The following PTPN9 variants were observed in gnomAD, a reference collection of about 807,000 sequenced individuals.
The protein encoded by PTPN9 is tyrosine-protein phosphatase non-receptor type 9.
A neutral mutation model predicts 69.8 loss-of-function variants in PTPN9; 26 were observed. The observed-to-expected ratio is 0.37, with a 90% CI of 0.27 to 0.52. PTPN9 has a LOEUF of 0.52. Among genes scored for constraint, PTPN9 ranks in the 20% least tolerant of loss-of-function variants. The probability of loss-of-function intolerance (pLI) is 0.91; values close to 1 mark genes in which losing one functional copy is unlikely to be tolerated. For missense variants in PTPN9, 549 were observed against 740.3 expected (o/e 0.74, Z 3.00); for synonymous variants, 274 against 272.5 (o/e 1.01, Z -0.05).
intron 1 of PTPN9, among the ~76,000 whole-genome samples, chr15:75,534,671 T>A: frequency 8.4e-6 from 1 of 118,722 alleles, no homozygotes; most frequent in South Asian, 2.8e-4. Context: ...TGAGACTCTA[T>A]CTCAAAAAAA....
chr15:75,517,521 C>T (rs555915765), intron 4 of PTPN9, among the ~76,000 whole-genome samples, 157 bp from the exon 5 acceptor site: 189 of 152,302 alleles, frequency 1.2e-3, no homozygotes, highest in African/African-American at 4.2e-3. Flanking sequence ...GATCTCTTAT[C>T]TTTGGTATCT....
chr15:75,572,792 A>G (rs897592761), intron 1 of PTPN9, among the ~76,000 whole-genome samples: 7 of 152,200 alleles, frequency 4.6e-5, no homozygotes, highest in Non-Finnish European at 1.5e-5. Context: ...TAAAGAAAAT[A>G]AAATTTTATT....
intron 1 of PTPN9, among the ~76,000 whole-genome samples, chr15:75,528,567 T>C (rs1253789140): frequency 1.3e-5 from 2 of 151,914 alleles, no homozygotes; most frequent in Non-Finnish European, 2.9e-5. Context: ...TTTTCTTTGT[T>C]ATTTTTAGTA....
rs1239067207 is a variant in PTPN9 at position 75,503,784 on chromosome 15, C to G, written c.968+1891G>C. ...GGGAGGGAGGTGGGGGGGGGGTCAG[C>G]CCCCCGTCCGGGAGGGAGGTGGGGG... On this transcript the variant is annotated intron_variant, in intron 7 of 12. Coordinates refer to ENST00000618819, the MANE Select transcript of PTPN9 (RefSeq NM_002833.4). Among the ~76,000 whole-genome samples, 255 of 123,554 alleles carry G rather than the reference C, an allele frequency of 2.1e-3. 16 individuals are homozygous for G. Among genetic ancestry groups the G allele is most frequent in the African/African-American group, 7.0e-3 (223 of 31,696 alleles). The allele number at this position is 123,554 out of a possible 152,430, so 81.1% of individuals were successfully genotyped here.
intron 10 of PTPN9, among the ~76,000 whole-genome samples, chr15:75,473,311 G>A (rs1014597634): frequency 3.3e-5 from 5 of 151,766 alleles, no homozygotes; most frequent in Admixed American, 6.6e-5. Flanking sequence ...GTGCAATGGC[G>A]TGATCTCAGC....
chr15:75,526,056 T>C (rs773753582), intron 2 of PTPN9, among the ~76,000 whole-genome samples: 3 of 151,802 alleles, frequency 2.0e-5, no homozygotes, highest in Non-Finnish European at 4.4e-5. Context: ...AATGCAATGG[T>C]GTGATCTCGG....
At chr15:75,548,499 T>C (rs2075043704) in intron 1 of PTPN9, among the ~76,000 whole-genome samples, 1 of 151,594 alleles carries the variant, frequency 6.6e-6, no homozygotes, top group Non-Finnish European at 1.5e-5. Context: ...CGTGATCTGC[T>C]CACCTCAGCC....
chr15:75,539,400 G>A (rs1384497161), intron 1 of PTPN9, among the ~76,000 whole-genome samples: 1 of 150,308 alleles, frequency 6.7e-6, no homozygotes, highest in Non-Finnish European at 1.5e-5. Flanking sequence ...TGCAACCTCT[G>A]CCTCCCAAGT....
rs1183378011 is a variant in PTPN9 at position 75,578,702 on chromosome 15, G to C, written c.63+12C>G. The C allele has an allele frequency of 5.8e-6, 8 of 1,369,874 alleles. No individual in the cohort carries two copies. The highest frequency in any genetic ancestry group is 7.6e-6 in the Non-Finnish European group (8 of 1,058,896). The allele number at this position is 1,369,874 out of a possible 1,614,324, so 84.9% of individuals were successfully genotyped here. A position where few individuals can be genotyped will look rare whatever the true frequency, so the allele number is the denominator to read the frequency against. On this transcript the variant is annotated intron_variant, in intron 1 of 12. Transcript: ENST00000618819. Reference sequence around the variant, plus strand: ...CGGACACACCCAACGCGGCGGCCTCGGGCCCGCTTACCTGCTCCTCCTCCG... The same window carrying C: ...CGGACACACCCAACGCGGCGGCCTCCGGCCCGCTTACCTGCTCCTCCTCCG...
At chr15:75,473,649 A>T in intron 10 of PTPN9, 40 bp downstream of exon 10, 1 of 1,451,102 alleles carries the variant, frequency 6.9e-7, no homozygotes. Flanking sequence ...CTAGGGACAG[A>T]GTGGAGGTGG....
chr15:75,495,298 G>C (rs1313178260), intron 7 of PTPN9, among the ~76,000 whole-genome samples: 1 of 151,544 alleles, frequency 6.6e-6, no homozygotes, highest in African/African-American at 2.4e-5. Flanking sequence ...TAGAATGAAA[G>C]AAAAAGTTCT....
At chr15:75,497,881 G>A (rs1202179472) in intron 7 of PTPN9, among the ~76,000 whole-genome samples, 1 of 151,070 alleles carries the variant, frequency 6.6e-6, no homozygotes, top group Non-Finnish European at 1.5e-5. Flanking sequence ...TAGGAACATA[G>A]TTGTCTGTAA....
intron 7 of PTPN9, among the ~76,000 whole-genome samples, chr15:75,504,208 C>G (rs1368277289): frequency 3.9e-4 from 27 of 69,668 alleles, no homozygotes; most frequent in Admixed American, 7.3e-4. Flanking sequence ...GGAGGGAGGT[C>G]GGGGGGGTCA....
chr15:75,558,867 C>T (rs1340647826), intron 1 of PTPN9, among the ~76,000 whole-genome samples: 1 of 152,204 alleles, frequency 6.6e-6, no homozygotes, highest in Non-Finnish European at 1.5e-5. Context: ...GTGGCGTGAT[C>T]TCGGCTCGCT....
intron 5 of PTPN9, among the ~76,000 whole-genome samples, chr15:75,515,860 G>A (rs1022428045): frequency 2.0e-5 from 3 of 151,758 alleles, no homozygotes; most frequent in Admixed American, 2.0e-4. Flanking sequence ...TCGCGCCACC[G>A]CACTCCAGCC....
intron 1 of PTPN9, among the ~76,000 whole-genome samples, chr15:75,538,059 GAAACAAAACA>G (rs748970066): frequency 6.6e-5 from 10 of 151,722 alleles, no homozygotes; most frequent in South Asian, 2.1e-4. Context: ...ACTTTGTCTC[GAAACAAAACA>G]AAACAAAACA....
At chr15:75,469,720 C>T in intron 12 of PTPN9, 72 bp downstream of exon 12, 1 of 1,513,450 alleles carries the variant, frequency 6.6e-7, no homozygotes, top group Non-Finnish European at 9.1e-7. Context: ...CAGATGTGGG[C>T]TAAGAGCTTT....
chr15:75,552,848 T>C (rs531671426), intron 1 of PTPN9, among the ~76,000 whole-genome samples: 1 of 149,952 alleles, frequency 6.7e-6, no homozygotes, highest in South Asian at 2.1e-4. Flanking sequence ...TGGGTCATGC[T>C]GACCATACAG....
intron 7 of PTPN9, among the ~76,000 whole-genome samples, chr15:75,504,477 G>C (rs2074802741): frequency 7.3e-6 from 1 of 137,308 alleles, no homozygotes; most frequent in Non-Finnish European, 1.6e-5. Context: ...CCGGGAGGGA[G>C]GTGGAGGGGT....
Sources: gnomAD v4.1 joint callset for allele counts (sites outside exome capture counted in the v4.1 genomes callset) on GRCh38, gnomAD v4.1.1 for gene constraint, MANE v1.5 for transcripts, NCBI Gene and HGNC (gene_info 2026-07-23, HGNC 2026-07-21) for gene names.